The following MEF2C variants were observed in gnomAD, a reference collection of about 807,000 sequenced individuals.
MEF2C encodes myocyte enhancer factor 2C.
In MEF2C, 6 loss-of-function variants were observed where a neutral mutation model predicts 50.5. The ratio of observed to expected loss-of-function variants is 0.12; its 90% CI spans 0.07 to 0.23. The LOEUF is 0.23. MEF2C is among the 10% of genes least tolerant of loss of function. MEF2C has a pLI of 1.00. For missense variants in MEF2C, 276 were observed against 605.0 expected, an observed-to-expected ratio of 0.46 and a Z score of 5.70; for synonymous variants, 183 against 228.0, an observed-to-expected ratio of 0.80 and a Z score of 1.78.
chr5:88,855,821 T>C (rs1167401015), intron 1 of MEF2C, among the ~76,000 whole-genome samples: 3 of 152,216 alleles, frequency 2.0e-5, no homozygotes, highest in African/African-American at 7.2e-5. Context: ...TTCTTTTCTT[T>C]ATAAATTACC....
chr5:88,755,427 A>G (rs1774846413), intron 4 of MEF2C, among the ~76,000 whole-genome samples: 1 of 152,222 alleles, frequency 6.6e-6, no homozygotes, highest in Admixed American at 6.5e-5. Flanking sequence ...GCAACACAGT[A>G]TAAGTTTTTG....
chr5:88,836,178 A>C (rs1815028406), intron 1 of MEF2C, among the ~76,000 whole-genome samples: 1 of 152,208 alleles, frequency 6.6e-6, no homozygotes, highest in African/African-American at 2.4e-5. Context: ...AATGCCCTAC[A>C]AAAGAAACAT....
chr5:88,883,980 G>T (rs765401750), upstream of MEF2C, among the ~76,000 whole-genome samples: 1 of 152,162 alleles, frequency 6.6e-6, no homozygotes, highest in African/African-American at 2.4e-5. Context: ...CTGACATTTT[G>T]CTAATTTTAG....
At chr5:88,836,761 A>G (rs1481028071) in intron 1 of MEF2C, among the ~76,000 whole-genome samples, 2 of 152,166 alleles carry the variant, frequency 1.3e-5, no homozygotes, top group African/African-American at 4.8e-5. Flanking sequence ...AGATAACACT[A>G]AACGGAAAGT....
intron 6 of MEF2C, chr5:88,732,953 T>C (rs2152296545): frequency 2.9e-6 from 1 of 344,210 alleles, no homozygotes; most frequent in South Asian, 1.2e-4. Flanking sequence ...TACCCCTGCA[T>C]GAGTGAGATT....
At chr5:88,857,449 A>G (rs1233044344) in intron 1 of MEF2C, among the ~76,000 whole-genome samples, 1 of 152,068 alleles carries the variant, frequency 6.6e-6, no homozygotes, top group Non-Finnish European at 1.5e-5. Flanking sequence ...ACTTTGGGGG[A>G]CTGTTGGAAA....
At chr5:88,756,325 G>A in intron 4 of MEF2C, among the ~76,000 whole-genome samples, 1 of 151,890 alleles carries the variant, frequency 6.6e-6, no homozygotes, top group East Asian at 1.9e-4. Flanking sequence ...CCCCCCTTTT[G>A]GAGTCCCCAG....
chr5:88,722,375 A>G lies in MEF2C; in HGVS notation c.*229T>C. 2.1e-6 allele frequency: 1 copy of G among 470,290 alleles called. No homozygotes were observed. The allele number at this position is 470,290 out of a possible 1,614,324, so 29.1% of individuals were successfully genotyped here. A position where few individuals can be genotyped will look rare whatever the true frequency, so the allele number is the denominator to read the frequency against. On this transcript the variant is annotated 3_prime_UTR_variant, in exon 11 of 11. Coordinates refer to ENST00000504921, the MANE Select transcript of MEF2C (RefSeq NM_002397.5). ...AAGTTAGCCTTAAAATCTATTTTGT[A>G]CAAGTGTTCTGTTGTACAACTCAAG...
chr5:88,893,543 A>G (rs1044150430), intron 1 of MEF2C, among the ~76,000 whole-genome samples: 16 of 151,950 alleles, frequency 1.1e-4, no homozygotes, highest in African/African-American at 3.9e-4. Context: ...AATTTTTTAA[A>G]TGACTATGTT....
intron 4 of MEF2C, among the ~76,000 whole-genome samples, chr5:88,755,039 C>T (rs1774668141): frequency 6.6e-6 from 1 of 151,330 alleles, no homozygotes; most frequent in African/African-American, 2.4e-5. Context: ...GCCCCTTGCC[C>T]ATATCCTGAT....
At chr5:88,867,533 G>C (rs949470265) in intron 1 of MEF2C, among the ~76,000 whole-genome samples, 3 of 152,018 alleles carry the variant, frequency 2.0e-5, no homozygotes, top group African/African-American at 7.3e-5. Context: ...TAAAACTTCA[G>C]GCCTATAGAA....
At chr5:88,724,564 C>T (rs1282563564) in intron 10 of MEF2C, among the ~76,000 whole-genome samples, 1 of 152,078 alleles carries the variant, frequency 6.6e-6, no homozygotes, top group Non-Finnish European at 1.5e-5. Flanking sequence ...TATCAAGAAA[C>T]TACACTGACT....
At chr5:88,857,060 TG>T (rs965836625) in intron 1 of MEF2C, among the ~76,000 whole-genome samples, 4 of 152,290 alleles carry the variant, frequency 2.6e-5, no homozygotes, top group African/African-American at 9.6e-5. Context: ...ATTGGGGGGC[TG>T]GGGGGCTATA....
Position 88,794,866 on chromosome 5 carries a change from G to T in MEF2C, c.258+9732C>A, listed in dbSNP as rs536913720. Among the ~76,000 whole-genome samples, 66 of 152,214 alleles carry T rather than the reference G, an allele frequency of 4.3e-4. No individual in the cohort carries two copies. The South Asian group carries it at 4.4e-3, about 10-fold the overall frequency. On this transcript the variant is annotated intron_variant, in intron 3 of 10. Transcript: ENST00000504921. ...AGTTTCAGCTTTTTACATATGGCTA[G>T]CCAGTTTTCCCAACACCATTTATTA...
intron 1 of MEF2C, among the ~76,000 whole-genome samples, chr5:88,863,379 C>T (rs775518829): frequency 7.9e-5 from 12 of 152,196 alleles, no homozygotes; most frequent in Non-Finnish European, 1.2e-4. Flanking sequence ...ATACAGTTGA[C>T]GTCCAAGAAG....
intron 1 of MEF2C, among the ~76,000 whole-genome samples, chr5:88,844,077 TG>T: frequency 6.6e-6 from 1 of 152,332 alleles, no homozygotes; most frequent in Non-Finnish European, 1.5e-5. Flanking sequence ...CCCAAAGTGC[TG>T]GGATTACAGG....
chr5:88,846,070 C>CTTT (rs869122348), intron 1 of MEF2C, among the ~76,000 whole-genome samples: 1 of 140,058 alleles, frequency 7.1e-6, no homozygotes, highest in South Asian at 2.3e-4. Flanking sequence ...TACTTCAAGT[C>CTTT]TTTTTTTTTT....
chr5:88,819,607 C>T (rs947474725), intron 2 of MEF2C, among the ~76,000 whole-genome samples: 2 of 151,984 alleles, frequency 1.3e-5, no homozygotes, highest in Admixed American at 1.3e-4. Context: ...TCAGGCCTTT[C>T]TCCAACCCTG....
chr5:88,720,779 C>G lies in MEF2C; in HGVS notation c.*1825G>C, dbSNP rs1160442617. 7.8e-6 allele frequency: 1 copy of G among 128,452 alleles called. No homozygotes were observed. Among genetic ancestry groups the G allele is most frequent in the Non-Finnish European group, 1.8e-5 (1 of 56,206 alleles). 8.0% of individuals were successfully genotyped at this position (128,452 alleles called of 1,614,324 possible). A position where few individuals can be genotyped will look rare whatever the true frequency, so the allele number is the denominator to read the frequency against. On this transcript the variant is annotated 3_prime_UTR_variant, in exon 11 of 11. Coordinates refer to ENST00000504921, the MANE Select transcript of MEF2C (RefSeq NM_002397.5). The stretch of plus-strand genomic sequence containing the variant: ...TAATCCCTTATAGACGAATATTAGA[C>G]AAGAGTCATTTTTTTTAAATTAAAA...
Sources: gnomAD v4.1 joint callset for allele counts (sites outside exome capture counted in the v4.1 genomes callset) on GRCh38, gnomAD v4.1.1 for gene constraint, MANE v1.5 for transcripts, NCBI Gene and HGNC (gene_info 2026-07-23, HGNC 2026-07-21) for gene names.